Variants in EIF3B observed in about 807,000 individuals in gnomAD.
EIF3B encodes eukaryotic translation initiation factor 3 subunit 9.
Under a neutral mutation model 104.6 loss-of-function variants are expected in EIF3B, and 10 were observed. That is an observed-to-expected ratio of 0.10 (90% confidence interval 0.06 to 0.16). EIF3B has a LOEUF of 0.16. EIF3B is among the 10% of genes least tolerant of loss of function. EIF3B has a pLI of 1.00. For missense variants in EIF3B, 1,014 were observed against 1,087.9 expected (o/e 0.93, Z 0.96); for synonymous variants, 542 against 417.2 (o/e 1.30, Z -3.65).
chr7:2,360,354 C>G (rs1779662553), intron 1 of EIF3B, among the ~76,000 whole-genome samples: 1 of 152,210 alleles, frequency 6.6e-6, no homozygotes, highest in Admixed American at 6.5e-5. Flanking sequence ...CTTTCAAAAT[C>G]TAGGCATCTC....
chr7:2,364,135 A>G (rs1018625279), intron 5 of EIF3B, among the ~76,000 whole-genome samples: 3 of 152,100 alleles, frequency 2.0e-5, no homozygotes, highest in Non-Finnish European at 4.4e-5. Flanking sequence ...GGTGGCAGGC[A>G]CCTGTAGTCC....
chr7:2,375,605 C>T, intron 14 of EIF3B, 78 bp downstream of exon 14: 2 of 1,595,264 alleles, frequency 1.3e-6, no homozygotes, highest in African/African-American at 1.3e-5. Context: ...TGGTGCTGTC[C>T]TGGGACCTCA....
At position 2,354,915 on chromosome 7, in the gene EIF3B, TG is replaced by T. The variant is rs1250782450; in HGVS notation, c.-4del. 8.2e-7 allele frequency: 1 copy of T among 1,218,756 alleles called. No homozygotes were observed. The highest frequency in any genetic ancestry group is 1.0e-6 in the Non-Finnish European group (1 of 972,850). 75.5% of individuals were successfully genotyped at this position (1,218,756 alleles called of 1,614,324 possible). On this transcript the variant is annotated 5_prime_UTR_variant, in exon 1 of 19. Transcript: ENST00000360876. The stretch of plus-strand genomic sequence containing the variant: ...GCGGAGCCCTGCGAGTAGGCAGCGT[TG>T]GGCCCATGCAGGACGCGGAGAACGT...
At chr7:2,373,076 C>A in intron 12 of EIF3B, 1 of 254,954 alleles carries the variant, frequency 3.9e-6, no homozygotes, top group Middle Eastern at 1.2e-3. Context: ...TTTTTCTCTT[C>A]TGGCTGTAGC....
rs539471421 is a variant in EIF3B at position 2,354,900 on chromosome 7, G to A, written c.-22G>A. On this transcript the variant is annotated 5_prime_UTR_variant, in exon 1 of 19. Transcript: ENST00000360876. ...GGAAGCGCGGCGGCCGCGGAGCCCT[G>A]CGAGTAGGCAGCGTTGGGCCCATGC... 330 of 1,179,390 alleles carry A rather than the reference G, an allele frequency of 2.8e-4. 1 individual carries two copies. The African/African-American group carries it at 5.0e-3, about 18-fold the overall frequency. The allele number at this position is 1,179,390 out of a possible 1,614,324, so 73.1% of individuals were successfully genotyped here.
At chr7:2,366,845 C>T (rs1246663158) in intron 8 of EIF3B, 154 bp from the exon 9 acceptor site, 10 of 860,700 alleles carry the variant, frequency 1.2e-5, no homozygotes, top group Non-Finnish European at 1.9e-5. Flanking sequence ...TTCTGGGTGG[C>T]GGGTGGGTGG....
chr7:2,364,525 G>C lies in EIF3B; in HGVS notation c.1153G>C (p.Glu385Gln). 6.2e-7 allele frequency: 1 copy of C among 1,611,754 alleles called. No individual in the cohort carries two copies. Among genetic ancestry groups the C allele is most frequent in the Non-Finnish European group, 8.5e-7 (1 of 1,179,266 alleles). The change falls in exon 6 of 19, where the codon GAA (glutamate) becomes CAA (glutamine). Residue 385 changes from glutamate to glutamine, a missense_variant. Physicochemically the swap from Glu to Gln is conservative, Grantham distance 29 (BLOSUM62 2). This residue lies in a region of EIF3B where 201 missense variants were observed against 240.7 expected (regional missense o/e 0.83). Transcript: ENST00000360876. Reference sequence around the variant, plus strand: ...TCAGCTTATTGACTTCTCACCTTGTGAAAGGTAAGCTGCTAGAAAAACACA... The same window carrying C: ...TCAGCTTATTGACTTCTCACCTTGTCAAAGGTAAGCTGCTAGAAAAACACA... Reference protein sequence around the residue: ...GVQLIDFSPCERYLVTFSPLM... With the variant: ...GVQLIDFSPCQRYLVTFSPLM...
intron 15 of EIF3B, chr7:2,378,018 C>G (rs111661783): frequency 0.014 from 392 of 27,606 alleles, 30 homozygotes; most frequent in Non-Finnish European, 0.017. Context: ...ATGCTGTGTT[C>G]TGTGAATGAC....
chr7:2,372,068 G>A (rs1317830519), intron 11 of EIF3B: 2 of 519,230 alleles, frequency 3.9e-6, no homozygotes, highest in Non-Finnish European at 3.5e-6. Flanking sequence ...TTAGCCAGGT[G>A]TGGTGGTGCG....
At chr7:2,361,921 C>T (rs901007418) in intron 2 of EIF3B, among the ~76,000 whole-genome samples, 7 of 151,778 alleles carry the variant, frequency 4.6e-5, no homozygotes, top group South Asian at 2.1e-4. Context: ...GGATTACAGG[C>T]GCACACTACC....
At chr7:2,372,646 G>A (rs1780417276) in intron 11 of EIF3B, 27 bp from the exon 12 acceptor site, 1 of 1,609,746 alleles carries the variant, frequency 6.2e-7, no homozygotes, top group Middle Eastern at 1.7e-4. Flanking sequence ...TGACCAAAAA[G>A]GGAGGGGTCT....
Position 2,370,920 on chromosome 7 carries a change from A to G in EIF3B, c.1615-857A>G, listed in dbSNP as rs146854581. On this transcript the variant is annotated intron_variant, in intron 10 of 18. Coordinates refer to ENST00000360876, the MANE Select transcript of EIF3B (RefSeq NM_001037283.2). Reference sequence around the variant, plus strand: ...CTACTAAAAATGCAAAAAATTAGCCAGGCGTGGTGGCGGGTGCCTGTAGTC... The same window carrying G: ...CTACTAAAAATGCAAAAAATTAGCCGGGCGTGGTGGCGGGTGCCTGTAGTC... 4.4e-3 allele frequency among the ~76,000 whole-genome samples: 663 copies of G among 152,168 alleles called. 1 individual carries two copies. Among genetic ancestry groups the G allele is most frequent in the African/African-American group, 0.015 (620 of 41,524 alleles).
intron 1 of EIF3B, among the ~76,000 whole-genome samples, chr7:2,359,144 A>G (rs1040964926): frequency 4.6e-5 from 7 of 152,156 alleles, no homozygotes; most frequent in African/African-American, 1.7e-4. Flanking sequence ...AGTGTTTTTC[A>G]AAAAGGCTCT....
In EIF3B at chr7:2,366,587, C is replaced by T. The variant is rs1562482971; in HGVS notation, c.1352C>T (p.Thr451Ile). Reference sequence around the variant, plus strand: ...CTGGATACGCTTAGCATCTATGAAACTCCTGTAAGTGGCCTCAGTGATGGC... The same window carrying T: ...CTGGATACGCTTAGCATCTATGAAATTCCTGTAAGTGGCCTCAGTGATGGC... ...MTLDTLSIYETPSMGLLDKKS... is the reference protein window; with the variant it reads ...MTLDTLSIYEIPSMGLLDKKS... Residue 451 changes from threonine to isoleucine, a missense_variant, in exon 8 of 19, where the codon ACT becomes ATT. Thr to Ile is a moderately conservative substitution (Grantham distance 89, BLOSUM62 -1). Around this residue, in one of 4 missense-constraint regions of EIF3B, gnomAD observed 201 missense variants for 240.7 expected, o/e 0.83. Coordinates refer to ENST00000360876, the MANE Select transcript of EIF3B (RefSeq NM_001037283.2). The T allele has an allele frequency of 1.2e-6, 2 of 1,614,198 alleles. No homozygotes were observed. The highest frequency in any genetic ancestry group is 1.7e-6 in the Non-Finnish European group (2 of 1,180,038).
chr7:2,380,142 T>A, intron 18 of EIF3B, 62 bp from the exon 19 acceptor site: 1 of 330,310 alleles, frequency 3.0e-6, no homozygotes, highest in South Asian at 2.3e-5. Context: ...AAGGCGATGT[T>A]CAGGGGGTCC....
At position 2,364,477 on chromosome 7, in the gene EIF3B, C is replaced by A; in HGVS notation, c.1105C>A (p.Gln369Lys). The A allele has an allele frequency of 2.5e-6, 4 of 1,612,852 alleles. No homozygotes were observed. The highest frequency in any genetic ancestry group is 3.4e-6 in the Non-Finnish European group (4 of 1,179,622). Residue 369 changes from glutamine (Q) to lysine (K), a missense_variant, in exon 6 of 19, where the codon CAG becomes AAG. Gln to Lys is a moderately conservative substitution (Grantham distance 53). Transcript: ENST00000360876. ...GGGGGGAGAGAAATTCAAGCAAATT[C>A]AGAGATTCAGCCACCAAGGGGTTCA... Reference protein sequence around the residue: ...LWGGEKFKQIQRFSHQGVQLI... With the variant: ...LWGGEKFKQIKRFSHQGVQLI...
intron 8 of EIF3B, 52 bp from the exon 9 acceptor site, chr7:2,366,947 T>G: frequency 6.4e-7 from 1 of 1,572,816 alleles, no homozygotes; most frequent in Non-Finnish European, 8.7e-7. Flanking sequence ...GGTGTGTTTC[T>G]GAGACACTGA....
intron 10 of EIF3B, 138 bp from the exon 11 acceptor site, chr7:2,371,639 C>T: frequency 1.4e-6 from 1 of 697,922 alleles, no homozygotes; most frequent in Non-Finnish European, 2.5e-6. Context: ...AGGGCTGTGG[C>T]TTTCATCACT....
Position 2,363,077 on chromosome 7 carries a change from A to G in EIF3B, c.820A>G (p.Thr274Ala). The G allele has an allele frequency of 6.2e-7, 1 of 1,613,998 alleles. No individual in the cohort carries two copies. ...GTCTCCTTTCTTCTCCAGGTATATG[A>G]CGATCAGTGACGAGTGGGATATTCC... is the stretch of plus-strand genomic sequence containing the variant. ...NLFTDFDKYM[T>A]ISDEWDIPEK... Residue 274 changes from threonine to alanine, a missense_variant, in exon 4 of 19, where the codon ACG becomes GCG. Physicochemically the swap from Thr to Ala is moderately conservative, Grantham distance 58 (BLOSUM62 0). Coordinates refer to ENST00000360876, the MANE Select transcript of EIF3B (RefSeq NM_001037283.2).
Sources: gnomAD v4.1 joint callset for allele counts (sites outside exome capture counted in the v4.1 genomes callset) on GRCh38, gnomAD v4.1.1 for gene constraint, gnomAD v4.1.1 regional missense constraint, MANE v1.5 for transcripts, NCBI Gene and HGNC (gene_info 2026-07-23, HGNC 2026-07-21) for gene names.